Variants in ADAMTS19 observed in about 807,000 individuals in gnomAD.
The protein encoded by ADAMTS19 is ADAM metallopeptidase with thrombospondin type 1 motif 19.
ADAMTS19 carries 93 observed loss-of-function variants against 153.3 expected under a neutral mutation model. The ratio of observed to expected loss-of-function variants is 0.61; its 90% CI spans 0.51 to 0.72. The LOEUF (loss-of-function observed/expected upper bound fraction) is 0.72. Among genes scored for constraint, ADAMTS19 ranks in the 30% least tolerant of loss-of-function variants. The probability of loss-of-function intolerance (pLI) is 0.00; values close to 1 mark genes in which losing one functional copy is unlikely to be tolerated. For missense variants in ADAMTS19, 1,482 were observed against 1,552.1 expected, an observed-to-expected ratio of 0.95 and a Z score of 0.76; for synonymous variants, 600 against 556.6, an observed-to-expected ratio of 1.08 and a Z score of -1.10.
rs1749686007 is a variant in ADAMTS19, at chr5:129,461,919, A to G, written c.747+162A>G. On this transcript the variant is annotated intron_variant, in intron 2 of 22. Transcript: ENST00000274487. This position sits in a 1 kb window ranked among gnomAD's most constrained non-coding sequence, Gnocchi z 4.6. Reference sequence around the variant, plus strand: ...TGTCTACATCGTTTGCCTCCCATGGAACATCTCCAGGGCAGTTGTGTAAAT... The same window carrying G: ...TGTCTACATCGTTTGCCTCCCATGGGACATCTCCAGGGCAGTTGTGTAAAT... 6.6e-6 allele frequency among the ~76,000 whole-genome samples: 1 copy of G among 152,188 alleles called. No individual in the cohort carries two copies. Among genetic ancestry groups the G allele is most frequent in the Non-Finnish European group, 1.5e-5 (1 of 68,028 alleles).
intron 17 of ADAMTS19, among the ~76,000 whole-genome samples, chr5:129,680,896 G>A (rs780982301): frequency 5.3e-5 from 8 of 152,178 alleles, no homozygotes; most frequent in East Asian, 1.9e-4. Flanking sequence ...ATGGCAGTGC[G>A]TGCTAATGGC....
At chr5:129,644,966 C>G (rs545791437) in intron 11 of ADAMTS19, among the ~76,000 whole-genome samples, 1 of 152,276 alleles carries the variant, frequency 6.6e-6, no homozygotes, top group African/African-American at 2.4e-5. Flanking sequence ...TCCCTGCCTT[C>G]CTCCTCTTCT....
intron 6 of ADAMTS19, among the ~76,000 whole-genome samples, chr5:129,542,232 A>C (rs1752680007): frequency 6.6e-6 from 1 of 152,206 alleles, no homozygotes; most frequent in African/African-American, 2.4e-5. Flanking sequence ...TGGATGATTC[A>C]GAGCCATTCA....
At chr5:129,551,033 G>C (rs956080714) in intron 6 of ADAMTS19, among the ~76,000 whole-genome samples, 4 of 151,506 alleles carry the variant, frequency 2.6e-5, no homozygotes, top group Admixed American at 6.6e-5. Flanking sequence ...AAGTTTTTAA[G>C]GTTTTATACA....
intron 21 of ADAMTS19, among the ~76,000 whole-genome samples, chr5:129,728,008 C>T (rs866814481): frequency 6.6e-5 from 10 of 152,020 alleles, no homozygotes; most frequent in Admixed American, 1.3e-4. Flanking sequence ...AAACAGGTTG[C>T]GGTAAAGAAG....
chr5:129,585,571 A>G (rs1245375473), intron 7 of ADAMTS19, among the ~76,000 whole-genome samples: 3 of 152,158 alleles, frequency 2.0e-5, no homozygotes, highest in African/African-American at 7.2e-5. Flanking sequence ...GGGAGATATT[A>G]ACATTAATGT....
At position 129,460,314 on chromosome 5, in the gene ADAMTS19, G is replaced by T. The variant is rs542771140; in HGVS notation, c.-78G>T. On this transcript the variant is annotated 5_prime_UTR_variant, in exon 1 of 23. Coordinates refer to ENST00000274487, the MANE Select transcript of ADAMTS19 (RefSeq NM_133638.6). Reference sequence around the variant, plus strand: ...TCGCCGCCCGGCCTCCTAGCGCTCCGGGGAGGCCGCTGCGCCCCGGAGTGG... The same window carrying T: ...TCGCCGCCCGGCCTCCTAGCGCTCCTGGGAGGCCGCTGCGCCCCGGAGTGG... The T allele has an allele frequency of 1.1e-3, 1,146 of 1,042,402 alleles. 3 individuals carry two copies. Among genetic ancestry groups the T allele is most frequent in the African/African-American group, 7.9e-3 (426 of 54,136 alleles). The allele number at this position is 1,042,402 out of a possible 1,614,324, so 64.6% of individuals were successfully genotyped here. A position where few individuals can be genotyped will look rare whatever the true frequency, so the allele number is the denominator to read the frequency against.
chr5:129,583,790 T>A (rs1305325528), intron 7 of ADAMTS19, among the ~76,000 whole-genome samples: 1 of 151,862 alleles, frequency 6.6e-6, no homozygotes, highest in African/African-American at 2.4e-5. Flanking sequence ...TCAAAACTGG[T>A]TATTCTAGTT....
intron 7 of ADAMTS19, among the ~76,000 whole-genome samples, chr5:129,579,398 C>G (rs1225728404): frequency 6.6e-6 from 1 of 152,186 alleles, no homozygotes; most frequent in Non-Finnish European, 1.5e-5. Flanking sequence ...TGCCTGTTCA[C>G]TCTGATGGTA....
chr5:129,462,519 T>C (rs1749710377), intron 2 of ADAMTS19, among the ~76,000 whole-genome samples: 1 of 152,168 alleles, frequency 6.6e-6, no homozygotes, highest in Admixed American at 6.5e-5. Flanking sequence ...AGCCATTTGC[T>C]CTGTCAATGT....
At chr5:129,463,989 T>C (rs1580973467) in intron 2 of ADAMTS19, among the ~76,000 whole-genome samples, 1 of 152,144 alleles carries the variant, frequency 6.6e-6, no homozygotes, top group African/African-American at 2.4e-5. Flanking sequence ...TAAAAATCCC[T>C]TGGGAGAGGT....
intron 16 of ADAMTS19, among the ~76,000 whole-genome samples, chr5:129,674,180 G>C (rs1284778948): frequency 2.0e-5 from 3 of 151,586 alleles, no homozygotes; most frequent in Non-Finnish European, 4.4e-5. Flanking sequence ...GCAATGAACT[G>C]AGATCACACT....
At chr5:129,579,100 T>C (rs1302808496) in intron 7 of ADAMTS19, among the ~76,000 whole-genome samples, 4 of 152,234 alleles carry the variant, frequency 2.6e-5, no homozygotes, top group African/African-American at 9.6e-5. Context: ...CTCTCCAGCA[T>C]CTCTTGTTTC....
intron 7 of ADAMTS19, among the ~76,000 whole-genome samples, chr5:129,554,597 G>A (rs912230944): frequency 2.0e-5 from 3 of 152,072 alleles, no homozygotes; most frequent in African/African-American, 7.2e-5. Flanking sequence ...ATATACTGCA[G>A]AATGAAGAGA....
At chr5:129,643,285 C>T (rs1015417222) in intron 11 of ADAMTS19, among the ~76,000 whole-genome samples, 1 of 146,814 alleles carries the variant, frequency 6.8e-6, no homozygotes, top group African/African-American at 2.5e-5. Flanking sequence ...TTGCTTGAGC[C>T]TGGAAGGCAG....
rs146307973 is a variant in ADAMTS19, at chr5:129,547,282, G to GGAAGCC, written c.1329-4582_1329-4581insGAAGCC. 8.2e-3 allele frequency among the ~76,000 whole-genome samples: 1,229 copies of GGAAGCC among 150,740 alleles called. 92 individuals carry two copies. The highest frequency in any genetic ancestry group is 0.028 in the African/African-American group (1,120 of 40,160). ...AAACCTGGGTAGCCTCTGGAAGCTAGTGAAGGCAAGGAAACATATTCTCAT... is the reference window on the plus strand; with the variant it reads ...AAACCTGGGTAGCCTCTGGAAGCTAGGAAGCCTGAAGGCAAGGAAACATATTCTCAT... On this transcript the variant is annotated intron_variant, in intron 6 of 22. Coordinates refer to ENST00000274487, the MANE Select transcript of ADAMTS19 (RefSeq NM_133638.6).
intron 3 of ADAMTS19, among the ~76,000 whole-genome samples, chr5:129,512,294 TA>T (rs1263577835): frequency 6.6e-6 from 1 of 151,974 alleles, no homozygotes; most frequent in East Asian, 1.9e-4. Context: ...ACTCCAACCA[TA>T]AGTATTGTGG....
intron 21 of ADAMTS19, among the ~76,000 whole-genome samples, chr5:129,709,630 G>T (rs956442479): frequency 2.1e-5 from 3 of 139,548 alleles, no homozygotes; most frequent in African/African-American, 8.2e-5. Flanking sequence ...TTCTCCTGTT[G>T]CATAATTATT....
chr5:129,616,004 G>A (rs143171794), intron 8 of ADAMTS19, among the ~76,000 whole-genome samples: 18 of 152,060 alleles, frequency 1.2e-4, no homozygotes, highest in Admixed American at 9.2e-4. Context: ...GCACGACAAC[G>A]TCAAAAGGAA....
Sources: gnomAD v4.1 joint callset for allele counts (sites outside exome capture counted in the v4.1 genomes callset) on GRCh38, gnomAD v4.1.1 for gene constraint, Gnocchi (gnomAD v3.1) non-coding constraint, MANE v1.5 for transcripts, NCBI Gene and HGNC (gene_info 2026-07-23, HGNC 2026-07-21) for gene names.